Variants in ADK observed in about 807,000 individuals in gnomAD.
ADK encodes adenosine kinase.
Under a neutral mutation model 44.7 loss-of-function variants are expected in ADK, and 24 were observed. The observed-to-expected ratio is 0.54, with a 90% CI of 0.39 to 0.76. The LOEUF (loss-of-function observed/expected upper bound fraction) is 0.76. Ranked by LOEUF, ADK falls within the 30% of genes least tolerant of loss-of-function variation. ADK has a pLI of 0.00. For synonymous variants in ADK, 128 were observed against 142.6 expected, an observed-to-expected ratio of 0.90 and a Z score of 0.73; for missense variants, 321 against 425.1, an observed-to-expected ratio of 0.76 and a Z score of 2.15.
intron 9 of ADK, among the ~76,000 whole-genome samples, chr10:74,639,661 AC>A (rs749858911): frequency 5.3e-5 from 8 of 151,978 alleles, no homozygotes; most frequent in Non-Finnish European, 1.0e-4. Context: ...ACACAATAAA[AC>A]CCATCTCCAC....
intron 7 of ADK, among the ~76,000 whole-genome samples, chr10:74,576,267 C>A (rs919546559): frequency 6.6e-6 from 1 of 151,922 alleles, no homozygotes; most frequent in Non-Finnish European, 1.5e-5. Context: ...TCTAAAATAT[C>A]GATGAAGTCT....
chr10:74,560,065 C>T (rs1352846211), intron 7 of ADK, among the ~76,000 whole-genome samples: 1 of 151,990 alleles, frequency 6.6e-6, no homozygotes, highest in Non-Finnish European at 1.5e-5. Context: ...TACAAGTGCG[C>T]ACCACCATGC....
At chr10:74,426,175 G>A (rs1481277982) in intron 6 of ADK, among the ~76,000 whole-genome samples, 1 of 152,028 alleles carries the variant, frequency 6.6e-6, no homozygotes, top group Non-Finnish European at 1.5e-5. Flanking sequence ...TATAATGAAT[G>A]TTTGCTCATG....
intron 7 of ADK, among the ~76,000 whole-genome samples, chr10:74,578,547 G>T (rs1335201137): frequency 1.3e-5 from 2 of 152,074 alleles, no homozygotes; most frequent in African/African-American, 4.8e-5. Flanking sequence ...GAAACAAATA[G>T]TCATTTGCTG....
intron 3 of ADK, among the ~76,000 whole-genome samples, chr10:74,292,294 C>A (rs1301848250): frequency 6.6e-6 from 1 of 152,122 alleles, no homozygotes; most frequent in Non-Finnish European, 1.5e-5. Context: ...TTTTTCCCTG[C>A]ATGTGGTAGT....
At chr10:74,281,979 A>G (rs55642717) in intron 3 of ADK, among the ~76,000 whole-genome samples, 2 of 152,152 alleles carry the variant, frequency 1.3e-5, no homozygotes, top group African/African-American at 4.8e-5. Context: ...GAGACATTTT[A>G]TTTGTTGAAA....
chr10:74,266,376 A>G (rs1309399102), intron 3 of ADK, among the ~76,000 whole-genome samples: 1 of 152,000 alleles, frequency 6.6e-6, no homozygotes, highest in Non-Finnish European at 1.5e-5. Flanking sequence ...GGCCAACATG[A>G]TGAAACCCCG....
At chr10:74,187,630 A>T (rs1842805275) in intron 1 of ADK, among the ~76,000 whole-genome samples, 1 of 151,884 alleles carries the variant, frequency 6.6e-6, no homozygotes, top group Non-Finnish European at 1.5e-5. Context: ...GAATTTGTTG[A>T]TTTATTTTAT....
chr10:74,654,021 C>G (rs1854384597), intron 9 of ADK, among the ~76,000 whole-genome samples: 2 of 152,158 alleles, frequency 1.3e-5, no homozygotes, highest in African/African-American at 4.8e-5. Flanking sequence ...CTTTTGGTTC[C>G]TTCATATCTA....
intron 6 of ADK, among the ~76,000 whole-genome samples, chr10:74,437,420 A>C (rs1367797202): frequency 6.6e-6 from 1 of 152,190 alleles, no homozygotes; most frequent in African/African-American, 2.4e-5. Flanking sequence ...CTTAATATAC[A>C]GTGTCAATCC....
Position 74,535,890 on chromosome 10 carries a change from C to T in ADK, c.726+10464C>T, listed in dbSNP as rs533759791. Among the ~76,000 whole-genome samples, 6 of 151,842 alleles carry T rather than the reference C, an allele frequency of 4.0e-5. No homozygotes were observed. In the South Asian group the frequency reaches 8.3e-4, roughly 21 times the overall value. Reference sequence around the variant, plus strand: ...AGGTGTGAGCCCCCCACCCAGCTGACCCTATTTTAAATATTAGCAAATGAT... The same window carrying T: ...AGGTGTGAGCCCCCCACCCAGCTGATCCTATTTTAAATATTAGCAAATGAT... On this transcript the variant is annotated intron_variant, in intron 7 of 10. Coordinates refer to ENST00000539909, the MANE Select transcript of ADK (RefSeq NM_006721.4).
At chr10:74,232,638 T>G (rs1022140193) in intron 3 of ADK, among the ~76,000 whole-genome samples, 1 of 147,170 alleles carries the variant, frequency 6.8e-6, no homozygotes, top group African/African-American at 2.5e-5. Flanking sequence ...AAAAAAATTT[T>G]TTTTTGAGAC....
chr10:74,326,389 A>G, intron 4 of ADK, among the ~76,000 whole-genome samples: 1 of 151,630 alleles, frequency 6.6e-6, no homozygotes, highest in East Asian at 1.9e-4. Context: ...GAGGCCAGGA[A>G]TTTGAGGTCA....
chr10:74,229,347 G>T (rs1356424738), intron 3 of ADK, among the ~76,000 whole-genome samples: 2 of 149,054 alleles, frequency 1.3e-5, no homozygotes, highest in African/African-American at 2.5e-5. Context: ...AATGGAATGT[G>T]TAGGGATATG....
At chr10:74,317,445 C>T (rs1219999806) in intron 4 of ADK, among the ~76,000 whole-genome samples, 4 of 151,460 alleles carry the variant, frequency 2.6e-5, no homozygotes, top group Non-Finnish European at 4.4e-5. Context: ...AATGGAAAAA[C>T]GTTGGCATTG....
At chr10:74,418,268 TC>T (rs1046016994) in intron 6 of ADK, among the ~76,000 whole-genome samples, 27 of 152,126 alleles carry the variant, frequency 1.8e-4, no homozygotes, top group African/African-American at 6.3e-4. Context: ...CAATCCTTAG[TC>T]CCCTTTCCCC....
intron 6 of ADK, among the ~76,000 whole-genome samples, chr10:74,450,191 G>A (rs1356674981): frequency 1.3e-5 from 2 of 152,294 alleles, no homozygotes; most frequent in African/African-American, 2.4e-5. Context: ...GCATGTGCCT[G>A]TAGTCCTAGC....
At chr10:74,685,999 T>C (rs114514091) in intron 10 of ADK, among the ~76,000 whole-genome samples, 2,650 of 152,228 alleles carry the variant, frequency 0.017, 70 homozygotes, top group African/African-American at 0.061. Flanking sequence ...TCTCGCTCTG[T>C]TGCTTAGGCT....
chr10:74,695,361 T>C (rs1014835384), intron 10 of ADK, among the ~76,000 whole-genome samples: 2 of 152,192 alleles, frequency 1.3e-5, no homozygotes, highest in African/African-American at 4.8e-5. Flanking sequence ...TCCTTTGTAA[T>C]ATCTTTCCAT....
Sources: gnomAD v4.1 joint callset for allele counts (sites outside exome capture counted in the v4.1 genomes callset) on GRCh38, gnomAD v4.1.1 for gene constraint, MANE v1.5 for transcripts, NCBI Gene and HGNC (gene_info 2026-07-23, HGNC 2026-07-21) for gene names.